MEIG1: variants seen among roughly 807,000 people sequenced by gnomAD.
MEIG1 encodes the protein meiosis expressed gene 1 protein homolog.
MEIG1 carries 12 observed loss-of-function variants against 11.3 expected under a neutral mutation model. The ratio of observed to expected loss-of-function variants is 1.07; its 90% CI spans 0.68 to 1.73. MEIG1 has a LOEUF of 1.73. Among genes scored for constraint, MEIG1 ranks in the 40% most tolerant of loss-of-function variants. The pLI is 0.00. For synonymous variants in MEIG1, 41 were observed against 33.2 expected (o/e 1.24, Z -0.81); for missense variants, 119 against 104.9 (o/e 1.13, Z -0.59).
intron 1 of MEIG1, among the ~76,000 whole-genome samples, chr10:14,983,383 C>T (rs1589216020): frequency 6.6e-6 from 1 of 151,774 alleles, no homozygotes; most frequent in South Asian, 2.1e-4. Flanking sequence ...ATATCGCAGG[C>T]TGTGTACACC....
intron 1 of MEIG1, among the ~76,000 whole-genome samples, chr10:14,962,805 C>T (rs1300065325): frequency 6.6e-6 from 1 of 151,646 alleles, no homozygotes; most frequent in Non-Finnish European, 1.5e-5. Flanking sequence ...CGCTCTGTCA[C>T]CCAGGCTGGA....
intron 1 of MEIG1, among the ~76,000 whole-genome samples, chr10:14,961,962 C>G (rs1843019717): frequency 6.6e-6 from 1 of 151,896 alleles, no homozygotes; most frequent in East Asian, 1.9e-4. Flanking sequence ...CATGGGCCAC[C>G]ACACCCAGCT....
At chr10:14,981,252 G>C (rs1665791479) in intron 1 of MEIG1, among the ~76,000 whole-genome samples, 1 of 150,350 alleles carries the variant, frequency 6.7e-6, no homozygotes, top group Non-Finnish European at 1.5e-5. Context: ...GCTCAGTTCA[G>C]AAAAGTCTCC....
downstream of MEIG1, among the ~76,000 whole-genome samples, chr10:14,973,057 G>T (rs1191247289): frequency 6.6e-6 from 1 of 151,966 alleles, no homozygotes; most frequent in Non-Finnish European, 1.5e-5. Context: ...ATAGAGATAT[G>T]ATTTCATCAC....
In MEIG1 at chr10:14,984,069, A is replaced by G. The variant is rs117150302; in HGVS notation, n.67-2727A>G. On this transcript the variant is annotated intron_variant and non_coding_transcript_variant, in intron 1 of 2. Transcript: ENST00000467536. ...TTACGGCAAAGAGTGCAGAGGATGTACACCCGTGTATGATATAGTTGGTAA... is the reference window on the plus strand; with the variant it reads ...TTACGGCAAAGAGTGCAGAGGATGTGCACCCGTGTATGATATAGTTGGTAA... Among the ~76,000 whole-genome samples, 1,518 of 152,184 alleles carry G rather than the reference A, an allele frequency of 1.0e-2. 8 individuals carry two copies. Among genetic ancestry groups the G allele is most frequent in the East Asian group, 0.021 (106 of 5,166 alleles).
At chr10:14,975,719 G>A (rs575647150), downstream of MEIG1, among the ~76,000 whole-genome samples, 1 of 152,074 alleles carries the variant, frequency 6.6e-6, no homozygotes, top group African/African-American at 2.4e-5. Flanking sequence ...CACAGAAAGC[G>A]TACACCACCC....
chr10:14,958,334 C>A (rs1157432701), upstream of MEIG1, among the ~76,000 whole-genome samples: 1 of 152,030 alleles, frequency 6.6e-6, no homozygotes, highest in Non-Finnish European at 1.5e-5. Context: ...CTAAGTATTG[C>A]CTTTGTTTTA....
intron 1 of MEIG1, among the ~76,000 whole-genome samples, chr10:14,962,721 A>G (rs911850359): frequency 6.6e-6 from 1 of 152,198 alleles, no homozygotes; most frequent in South Asian, 2.1e-4. Flanking sequence ...CCTGTAAGTA[A>G]TACAGTCACT....
intron 1 of MEIG1, among the ~76,000 whole-genome samples, chr10:14,961,647 T>C (rs987171638): frequency 4.3e-5 from 6 of 138,402 alleles, no homozygotes; most frequent in African/African-American, 1.6e-4. Flanking sequence ...AATTTTTTTT[T>C]TTTTTTTTTT....
chr10:14,954,828 A>G (rs575730986), upstream of MEIG1, among the ~76,000 whole-genome samples: 2 of 152,336 alleles, frequency 1.3e-5, no homozygotes, highest in South Asian at 4.1e-4. Flanking sequence ...TATTTCCTTT[A>G]TTGTATTACA....
chr10:14,969,815 G>A (rs570775564), intron 2 of MEIG1, among the ~76,000 whole-genome samples: 7 of 152,306 alleles, frequency 4.6e-5, no homozygotes, highest in African/African-American at 1.7e-4. Context: ...CAGCCTGGGC[G>A]ACAGAGCGAG....
chr10:14,980,815 A>G (rs563373284), intron 1 of MEIG1, among the ~76,000 whole-genome samples: 116 of 152,300 alleles, frequency 7.6e-4, no homozygotes, highest in Admixed American at 2.7e-3. Flanking sequence ...TGAAAGGCAA[A>G]GAGCTTCTGC....
intron 1 of MEIG1, among the ~76,000 whole-genome samples, chr10:14,986,150 G>A (rs572007656): frequency 1.3e-5 from 2 of 152,192 alleles, no homozygotes; most frequent in South Asian, 4.2e-4. Context: ...TCATCTTGCA[G>A]CATTTTTTAA....
At position 14,972,596 on chromosome 10, in the gene MEIG1, A is replaced by G; in HGVS notation, c.222A>G (p.Glu74=). The change falls in exon 3 of 3, where the codon GAA becomes GAG. Residue 74 remains glutamate (E), a synonymous_variant. Coordinates refer to ENST00000407572, the MANE Select transcript of MEIG1 (RefSeq NM_001080836.3). ...TCTATTACTACAACAAACAGAGGGA[A>G]TGTGATGACAAAGAAGTCCACAAAG... ...NTFYYYNKQR[E]CDDKEVHKVK... The G allele has an allele frequency of 6.2e-7, 1 of 1,613,290 alleles. No homozygotes were observed. Among genetic ancestry groups the G allele is most frequent in the South Asian group, 1.1e-5 (1 of 90,720 alleles).
chr10:14,980,700 T>C (rs1036340948), intron 1 of MEIG1, among the ~76,000 whole-genome samples: 2 of 151,898 alleles, frequency 1.3e-5, no homozygotes, highest in African/African-American at 4.8e-5. Context: ...CCTCTGGAGG[T>C]CTCGAGCCAA....
At chr10:14,987,033 T>C (rs552303810) in intron 2 of MEIG1, 6 of 611,446 alleles carry the variant, frequency 9.8e-6, no homozygotes, top group South Asian at 8.9e-5. Flanking sequence ...TCATGATGAC[T>C]GGGTAGTGCA....
intron 1 of MEIG1, among the ~76,000 whole-genome samples, chr10:14,960,792 T>A (rs891727082): frequency 1.3e-5 from 2 of 151,904 alleles, no homozygotes; most frequent in African/African-American, 2.4e-5. Context: ...TTTGGGAGGC[T>A]GAGGCAGGCG....
chr10:14,960,198 G>T (rs771882068), intron 1 of MEIG1, among the ~76,000 whole-genome samples: 2 of 152,186 alleles, frequency 1.3e-5, no homozygotes, highest in Non-Finnish European at 2.9e-5. Context: ...CTGGTTACAG[G>T]GCTCCTCCTG....
chr10:14,969,494 A>G (rs80077111), intron 2 of MEIG1, among the ~76,000 whole-genome samples: 440 of 152,140 alleles, frequency 2.9e-3, no homozygotes, highest in African/African-American at 0.01. Flanking sequence ...AGTTGTCACA[A>G]GAATTAAATG....
Sources: allele counts gnomAD v4.1 joint callset (sites outside exome capture counted in the v4.1 genomes callset), GRCh38; gene constraint gnomAD v4.1.1; transcripts MANE v1.5; gene names NCBI Gene and HGNC (gene_info 2026-07-23, HGNC 2026-07-21).